The following TTC7B variants were observed in gnomAD, a reference collection of about 807,000 sequenced individuals.
The protein encoded by TTC7B is tetratricopeptide repeat domain 7B, also known as tetratricopeptide repeat protein 7B.
A neutral mutation model predicts 106.8 loss-of-function variants in TTC7B; 28 were observed. The ratio of observed to expected loss-of-function variants is 0.26; its 90% CI spans 0.19 to 0.36. The LOEUF (loss-of-function observed/expected upper bound fraction) is 0.36. TTC7B is among the 10% of genes least tolerant of loss of function. The pLI is 1.00. For missense variants in TTC7B, 862 were observed against 1,076.4 expected (o/e 0.80, Z 2.79); for synonymous variants, 405 against 430.6 (o/e 0.94, Z 0.74).
At chr14:90,713,784 C>T (rs1888537758) in intron 5 of TTC7B, among the ~76,000 whole-genome samples, 1 of 152,186 alleles carries the variant, frequency 6.6e-6, no homozygotes, top group Non-Finnish European at 1.5e-5. Context: ...CAAGAACAAT[C>T]CAAATGTCCA....
At chr14:90,779,201 A>G (rs1891129813) in intron 3 of TTC7B, among the ~76,000 whole-genome samples, 1 of 152,230 alleles carries the variant, frequency 6.6e-6, no homozygotes, top group African/African-American at 2.4e-5. Flanking sequence ...CTCTTCCTCT[A>G]GGAAGCCTTC....
At chr14:90,595,296 G>A (rs1239453546) in intron 17 of TTC7B, among the ~76,000 whole-genome samples, 2 of 152,072 alleles carry the variant, frequency 1.3e-5, no homozygotes, top group African/African-American at 2.4e-5. Context: ...TCGCTCCATT[G>A]CACTCCAGCC....
intron 5 of TTC7B, among the ~76,000 whole-genome samples, chr14:90,703,470 G>T (rs939987170): frequency 6.6e-6 from 1 of 152,144 alleles, no homozygotes; most frequent in Non-Finnish European, 1.5e-5. Context: ...GGATAAGAGT[G>T]CAACGTTCAC....
chr14:90,660,096 C>A (rs1886125499), intron 9 of TTC7B, among the ~76,000 whole-genome samples: 1 of 151,870 alleles, frequency 6.6e-6, no homozygotes, highest in South Asian at 2.1e-4. Context: ...TTAAAAAGAA[C>A]AGAGGCGGCT....
Position 90,541,228 on chromosome 14 carries a change from G to A in TTC7B, c.*140C>T, listed in dbSNP as rs1889565271. 3.8e-5 allele frequency: 27 copies of A among 719,900 alleles called. 1 individual carries two copies. In the South Asian group the frequency reaches 6.0e-4, roughly 16 times the overall value. The allele number at this position is 719,900 out of a possible 1,614,324, so 44.6% of individuals were successfully genotyped here. A position where few individuals can be genotyped will look rare whatever the true frequency, so the allele number is the denominator to read the frequency against. On this transcript the variant is annotated 3_prime_UTR_variant, in exon 20 of 20. Transcript: ENST00000328459. ...GAGAGCGATGATTCGGGGTTGGTTTGGTTGGTTCACTGTGGCCCACTGAAC... is the reference window on the plus strand; with the variant it reads ...GAGAGCGATGATTCGGGGTTGGTTTAGTTGGTTCACTGTGGCCCACTGAAC...
rs539672513 is a variant in TTC7B, at chr14:90,753,222, A to T, written c.446-8300T>A. On this transcript the variant is annotated intron_variant, in intron 3 of 19. Transcript: ENST00000328459. ...CTGCTTCCTCATTTATCTCAACCAC[A>T]TCTCTGGAAGCCAGGCCTGGGACAG... is the stretch of plus-strand genomic sequence containing the variant. Among the ~76,000 whole-genome samples the T allele has an allele frequency of 2.0e-5, 3 of 152,330 alleles. No homozygotes were observed. The East Asian group carries it at 5.8e-4, about 29-fold the overall frequency.
At chr14:90,648,223 A>G (rs1885554208) in intron 13 of TTC7B, 1 of 152,242 alleles carries the variant, frequency 6.6e-6, no homozygotes, top group South Asian at 2.1e-4. Flanking sequence ...AGCAAAGCAC[A>G]TAGACTTCCA....
chr14:90,734,672 A>G (rs1478490943), intron 4 of TTC7B, among the ~76,000 whole-genome samples: 1 of 152,130 alleles, frequency 6.6e-6, no homozygotes, highest in South Asian at 2.1e-4. Context: ...ACACTGGCCC[A>G]AGGCCTTTTC....
At chr14:90,741,076 C>G (rs1889743296) in intron 4 of TTC7B, among the ~76,000 whole-genome samples, 1 of 152,212 alleles carries the variant, frequency 6.6e-6, no homozygotes, top group Non-Finnish European at 1.5e-5. Flanking sequence ...CAAAGTCCCA[C>G]AGCTAAAGGG....
At chr14:90,559,433 C>T (rs1185335064) in intron 19 of TTC7B, among the ~76,000 whole-genome samples, 3 of 152,202 alleles carry the variant, frequency 2.0e-5, no homozygotes, top group East Asian at 3.9e-4. Flanking sequence ...AGGGCACTGG[C>T]GGGGCAGCTC....
Position 90,695,577 on chromosome 14 carries a change from T to C in TTC7B, c.700A>G (p.Asn234Asp), listed in dbSNP as rs771170243. The change falls in exon 6 of 20, where the codon AAC (asparagine) becomes GAC (aspartate). Residue 234 changes from asparagine (N) to aspartate (D), a missense_variant and splice_region_variant. Physicochemically the swap from Asn to Asp is conservative, Grantham distance 23. Transcript: ENST00000328459. ...RAHVLYFKNG[N>D]LTRGVGRFRE... ...AATCTTCCGACTCCTCTTGTCAAGT[T>C]CCTGTGTGGACACAGAATTTGACGG... The C allele has an allele frequency of 2.5e-6, 4 of 1,595,200 alleles. No individual in the cohort carries two copies. The South Asian group carries it at 4.6e-5, about 18-fold the overall frequency.
intron 1 of TTC7B, among the ~76,000 whole-genome samples, chr14:90,800,459 G>A (rs1387353620): frequency 1.3e-5 from 2 of 152,138 alleles, no homozygotes; most frequent in Non-Finnish European, 2.9e-5. Flanking sequence ...CTTGAGATAG[G>A]AGAATTATCC....
chr14:90,807,395 A>G lies in TTC7B; in HGVS notation c.121+8780T>C, dbSNP rs2030672424. ...AAAGTCTGGTCCTAGAACTCCGGGC[A>G]CCATAATCACTTGGGGCCCTGGGAT... is the stretch of plus-strand genomic sequence containing the variant. On this transcript the variant is annotated intron_variant, in intron 1 of 19. Transcript: ENST00000328459. The surrounding 1 kb of genome is among the most constrained non-coding windows in gnomAD (Gnocchi z 4.1). Among the ~76,000 whole-genome samples the G allele has an allele frequency of 1.3e-5, 2 of 152,120 alleles. No homozygotes were observed. The highest frequency in any genetic ancestry group is 4.1e-4 in the South Asian group (2 of 4,826).
Position 90,536,273 on chromosome 14 carries a change from CGCCA to C in TTC7B, c.*5091_*5094del, listed in dbSNP as rs1889417821. On this transcript the variant is annotated 3_prime_UTR_variant, in exon 20 of 20. Coordinates refer to ENST00000328459, the MANE Select transcript of TTC7B (RefSeq NM_001010854.2). ...TCTTCATTTCCCAGCCTGTAAACCC[CGCCA>C]GCCCCGGAGCTCAGCCCTGACCTCT... The C allele has an allele frequency of 6.5e-6, 1 of 154,608 alleles. No homozygotes were observed. The highest frequency in any genetic ancestry group is 2.4e-5 in the African/African-American group (1 of 41,488). The allele number at this position is 154,608 out of a possible 1,614,324, so 9.6% of individuals were successfully genotyped here. A position where few individuals can be genotyped will look rare whatever the true frequency, so the allele number is the denominator to read the frequency against.
chr14:90,681,893 ATG>A (rs1887064584), intron 7 of TTC7B, among the ~76,000 whole-genome samples: 2 of 13,366 alleles, frequency 1.5e-4, no homozygotes, highest in African/African-American at 5.8e-4. Flanking sequence ...GTGTGTGTGT[ATG>A]TGTGTGTGCA....
At chr14:90,676,734 C>T in intron 8 of TTC7B, 74 bp from the exon 9 acceptor site, 1 of 1,520,682 alleles carries the variant, frequency 6.6e-7, no homozygotes, top group South Asian at 1.2e-5. Flanking sequence ...CACCTAGGCC[C>T]TCCTGCCCCT....
chr14:90,780,599 C>T, intron 3 of TTC7B, 139 bp downstream of exon 3: 1 of 942,142 alleles, frequency 1.1e-6, no homozygotes, highest in Non-Finnish European at 1.6e-6. Context: ...CCAGCATGTG[C>T]TGCAGGGCGG....
intron 5 of TTC7B, among the ~76,000 whole-genome samples, chr14:90,701,796 GTATATATA>G (rs138397501): frequency 5.0e-5 from 6 of 118,932 alleles, no homozygotes; most frequent in East Asian, 2.1e-4. Flanking sequence ...GTGTGTGTGT[GTATATATA>G]TATATATATA....
chr14:90,563,166 C>T (rs1890657005), intron 19 of TTC7B, among the ~76,000 whole-genome samples: 1 of 152,200 alleles, frequency 6.6e-6, no homozygotes, highest in Non-Finnish European at 1.5e-5. Context: ...TTTAATCCCT[C>T]CAACAATCCT....
Sources: allele counts gnomAD v4.1 joint callset (sites outside exome capture counted in the v4.1 genomes callset), GRCh38; gene constraint gnomAD v4.1.1; non-coding constraint Gnocchi (gnomAD v3.1); transcripts MANE v1.5; gene names NCBI Gene and HGNC (gene_info 2026-07-23, HGNC 2026-07-21).